Variants in DLGAP1 observed in about 807,000 individuals in gnomAD.
DLGAP1 encodes disks large-associated protein 1.
A neutral mutation model predicts 90.8 loss-of-function variants in DLGAP1; 11 were observed. The ratio of observed to expected loss-of-function variants is 0.12; its 90% CI spans 0.08 to 0.20. DLGAP1 has a LOEUF of 0.20. Among genes scored for constraint, DLGAP1 ranks in the 10% least tolerant of loss-of-function variants. DLGAP1 has a pLI of 1.00. For synonymous variants in DLGAP1, 558 were observed against 540.7 expected (o/e 1.03, Z -0.44); for missense variants, 1,050 against 1,333.8 (o/e 0.79, Z 3.31).
intron 7 of DLGAP1, among the ~76,000 whole-genome samples, chr18:3,588,763 G>A (rs12964190): frequency 7.2e-6 from 1 of 138,936 alleles, no homozygotes; most frequent in South Asian, 2.3e-4. Flanking sequence ...CTGAGCGACA[G>A]AGCGAGACTC....
At chr18:4,108,677 G>T (rs2075915299) in intron 2 of DLGAP1, among the ~76,000 whole-genome samples, 2 of 152,160 alleles carry the variant, frequency 1.3e-5, no homozygotes, top group Admixed American at 6.5e-5. Flanking sequence ...TTCATCATGT[G>T]ATATAACAGC....
chr18:4,040,678 TG>T (rs1568365315), intron 2 of DLGAP1, among the ~76,000 whole-genome samples: 1 of 152,198 alleles, frequency 6.6e-6, no homozygotes. Flanking sequence ...TGATAAGTGG[TG>T]CTCATGGCAA....
At position 4,183,681 on chromosome 18, in the gene DLGAP1, A is replaced by G. The variant is rs150106883; in HGVS notation, c.-266-32394T>C. On this transcript the variant is annotated intron_variant, in intron 1 of 12. Transcript: ENST00000315677. The stretch of plus-strand genomic sequence containing the variant: ...GATTCCAACCTTTCTGCTAGAAGCT[A>G]CGAAGAATTAATTGCCATGTAGGTT... Among the ~76,000 whole-genome samples the G allele has an allele frequency of 1.9e-3, 289 of 152,204 alleles. 4 individuals carry two copies. The highest frequency in any genetic ancestry group is 6.7e-3 in the African/African-American group (279 of 41,548).
chr18:3,944,448 G>A (rs1399140122), intron 3 of DLGAP1, among the ~76,000 whole-genome samples: 1 of 152,194 alleles, frequency 6.6e-6, no homozygotes, highest in African/African-American at 2.4e-5. Context: ...GTTGCAGTGA[G>A]CTGAGAGATT....
chr18:4,388,764 T>C (rs1256002219), intron 1 of DLGAP1, among the ~76,000 whole-genome samples: 1 of 152,158 alleles, frequency 6.6e-6, no homozygotes, highest in Non-Finnish European at 1.5e-5. Context: ...ATTTTAACAA[T>C]TATCTCATAT....
At chr18:3,632,755 C>CT (rs1022568454) in intron 7 of DLGAP1, among the ~76,000 whole-genome samples, 10 of 151,040 alleles carry the variant, frequency 6.6e-5, no homozygotes, top group African/African-American at 2.2e-4. Flanking sequence ...TAGAAAAAGT[C>CT]TTTTTTTTTC....
intron 7 of DLGAP1, among the ~76,000 whole-genome samples, chr18:3,715,703 A>G (rs896172099): frequency 6.6e-6 from 1 of 151,972 alleles, no homozygotes; most frequent in African/African-American, 2.4e-5. Flanking sequence ...TTGCTTGGGG[A>G]GTTTTTCTGG....
Position 3,701,062 on chromosome 18 carries a change from G to A in DLGAP1, c.1591+28073C>T, listed in dbSNP as rs138738615. On this transcript the variant is annotated intron_variant, in intron 7 of 12. Coordinates refer to ENST00000315677, the MANE Select transcript of DLGAP1 (RefSeq NM_004746.4). Reference sequence around the variant, plus strand: ...TACCAGGCTAAGTTTTAAATTTTTTGTTGAGGTGGGGTTGTGCTATGTTAC... The same window carrying A: ...TACCAGGCTAAGTTTTAAATTTTTTATTGAGGTGGGGTTGTGCTATGTTAC... 1.3e-3 allele frequency among the ~76,000 whole-genome samples: 200 copies of A among 152,224 alleles called. 2 individuals are homozygous for A. The highest frequency in any genetic ancestry group is 0.013 in the East Asian group (67 of 5,178).
intron 1 of DLGAP1, among the ~76,000 whole-genome samples, chr18:4,354,023 A>C (rs1403688629): frequency 6.6e-6 from 1 of 152,184 alleles, no homozygotes; most frequent in East Asian, 1.9e-4. Flanking sequence ...CAGCAGTGTG[A>C]ACTGGCTGTT....
In DLGAP1 at chr18:3,824,069, C is replaced by T. The variant is rs148137132; in HGVS notation, c.958-9796G>A. Among the ~76,000 whole-genome samples, 479 of 148,654 alleles carry T rather than the reference C, an allele frequency of 3.2e-3. 3 individuals are homozygous for T. Among genetic ancestry groups the T allele is most frequent in the African/African-American group, 0.01 (414 of 40,398 alleles). ...AGCCCCTTTTTAGTTTTTAAGATAACTTCATTTTCTGGTGTATTGGAGGCA... is the reference window on the plus strand; with the variant it reads ...AGCCCCTTTTTAGTTTTTAAGATAATTTCATTTTCTGGTGTATTGGAGGCA... On this transcript the variant is annotated intron_variant, in intron 4 of 12. Coordinates refer to ENST00000315677, the MANE Select transcript of DLGAP1 (RefSeq NM_004746.4).
intron 7 of DLGAP1, chr18:3,598,416 C>T (rs2145674563): frequency 6.6e-6 from 1 of 151,472 alleles, no homozygotes; most frequent in Middle Eastern, 3.5e-3. Flanking sequence ...GACATAGATC[C>T]AGAGAAGAAC....
intron 1 of DLGAP1, among the ~76,000 whole-genome samples, chr18:4,382,376 C>T (rs2082143278): frequency 1.3e-5 from 2 of 151,688 alleles, no homozygotes. Context: ...TAAAATTATG[C>T]ATTATGGTTG....
At chr18:3,610,527 T>G (rs1165334430) in intron 7 of DLGAP1, among the ~76,000 whole-genome samples, 1 of 152,050 alleles carries the variant, frequency 6.6e-6, no homozygotes, top group Non-Finnish European at 1.5e-5. Context: ...CTCAGTAACA[T>G]CAAGATGGTA....
At chr18:3,980,745 G>C (rs1302450665) in intron 3 of DLGAP1, among the ~76,000 whole-genome samples, 1 of 151,788 alleles carries the variant, frequency 6.6e-6, no homozygotes, top group Non-Finnish European at 1.5e-5. Context: ...TTTATTTTTT[G>C]AATTGAAAAA....
At chr18:4,371,068 A>G (rs1371737982) in intron 1 of DLGAP1, among the ~76,000 whole-genome samples, 1 of 152,240 alleles carries the variant, frequency 6.6e-6, no homozygotes, top group African/African-American at 2.4e-5. Context: ...ACATAGAGGT[A>G]GCATGACCAG....
rs59155111 is a variant in DLGAP1 at position 3,689,509 on chromosome 18, C to CCTAT, written c.1591+39622_1591+39625dup. 9.9e-3 allele frequency among the ~76,000 whole-genome samples: 1,499 copies of CCTAT among 152,080 alleles called. 14 individuals carry two copies. Among genetic ancestry groups the CCTAT allele is most frequent in the African/African-American group, 0.029 (1,216 of 41,492 alleles). ...CATTGTATCCTTTTTTTTAAGCAGA[C>CCTAT]CTATCTTTTCCCTTCTCTAAATATC... On this transcript the variant is annotated intron_variant, in intron 7 of 12. Transcript: ENST00000315677.
In DLGAP1 at chr18:3,507,736, G is replaced by GTTTTT. The variant is rs386386884; in HGVS notation, c.2571+829_2571+833dup. ...TGAGCAATAAAAGCTATTCTTGAAG[G>GTTTTT]TTTTTTTTTTTTTTTTTTTTTGGAG... On this transcript the variant is annotated intron_variant, in intron 11 of 12. Coordinates refer to ENST00000315677, the MANE Select transcript of DLGAP1 (RefSeq NM_004746.4). 6.6e-4 allele frequency among the ~76,000 whole-genome samples: 59 copies of GTTTTT among 89,900 alleles called. 2 individuals are homozygous for GTTTTT. The highest frequency in any genetic ancestry group is 2.7e-3 in the East Asian group (7 of 2,584). The allele number at this position is 89,900 out of a possible 152,430, so 59.0% of individuals were successfully genotyped here.
chr18:4,061,986 C>G (rs1203550743), intron 2 of DLGAP1, among the ~76,000 whole-genome samples: 2 of 152,080 alleles, frequency 1.3e-5, no homozygotes, highest in African/African-American at 4.8e-5. Flanking sequence ...GAGGAAAGAA[C>G]TTCTATCACT....
chr18:3,977,751 G>T, intron 3 of DLGAP1: 1 of 351,848 alleles, frequency 2.8e-6, no homozygotes, highest in South Asian at 2.6e-5. Context: ...TGAGGGCAAT[G>T]CCCACCCCAG....
Sources: allele counts gnomAD v4.1 joint callset (sites outside exome capture counted in the v4.1 genomes callset), GRCh38; gene constraint gnomAD v4.1.1; transcripts MANE v1.5; gene names NCBI Gene and HGNC (gene_info 2026-07-23, HGNC 2026-07-21).